The following TEKT1 variants were observed in gnomAD, a reference collection of about 807,000 sequenced individuals.
TEKT1 encodes tektin-1.
Under a neutral mutation model 34.8 loss-of-function variants are expected in TEKT1, and 32 were observed. The ratio of observed to expected loss-of-function variants is 0.92; its 90% CI spans 0.69 to 1.23. TEKT1 has a LOEUF of 1.23. Among genes scored for constraint, TEKT1 ranks in the 50% most tolerant of loss-of-function variants. The probability of loss-of-function intolerance (pLI) is 0.00; values close to 1 mark genes in which losing one functional copy is unlikely to be tolerated. For missense variants in TEKT1, 492 were observed against 518.5 expected (o/e 0.95, Z 0.50); for synonymous variants, 207 against 199.8 (o/e 1.04, Z -0.30).
At position 6,830,196 on chromosome 17, in the gene TEKT1, T is replaced by C; in HGVS notation, c.181A>G (p.Lys61Glu). 6.2e-7 allele frequency: 1 copy of C among 1,609,292 alleles called. No individual in the cohort carries two copies. The highest frequency in any genetic ancestry group is 8.5e-7 in the Non-Finnish European group (1 of 1,179,078). The change falls in exon 2 of 8, where the codon AAG (lysine) becomes GAG (glutamate). Residue 61 changes from lysine (K) to glutamate (E), a missense_variant. Physicochemically the swap from Lys to Glu is moderately conservative, Grantham distance 56. Coordinates refer to ENST00000338694, the MANE Select transcript of TEKT1 (RefSeq NM_053285.2). ...AAGCATGTTGTCTTACCTAGTTTCT[T>C]GTTCACATCGCTTTGAGATTTTCTT... ...TTRKSQSDVN[K>E]KLEQRLEEVQ...
At chr17:6,817,122 TC>T (rs1355422047) in intron 3 of TEKT1, among the ~76,000 whole-genome samples, 1 of 152,198 alleles carries the variant, frequency 6.6e-6, no homozygotes, top group Non-Finnish European at 1.5e-5. Context: ...ACGCCTGTAA[TC>T]CCAGCATTTT....
Position 6,811,306 on chromosome 17 carries a change from A to ATGTGTG in TEKT1, c.852+1519_852+1524dup, listed in dbSNP as rs34180300. On this transcript the variant is annotated intron_variant, in intron 6 of 7. Coordinates refer to ENST00000338694, the MANE Select transcript of TEKT1 (RefSeq NM_053285.2). This position sits in a 1 kb window ranked among gnomAD's most constrained non-coding sequence, Gnocchi z 4.4. ...ATTATATGTTAATCATATATGCAAA[A>ATGTGTG]TGTGTGTGTGTGTGTGTGTGTGTGT... Among the ~76,000 whole-genome samples, 2,040 of 149,782 alleles carry ATGTGTG rather than the reference A, an allele frequency of 0.014. 17 individuals carry two copies. The highest frequency in any genetic ancestry group is 0.096 in the Middle Eastern group (28 of 292).
At chr17:6,814,468 C>T (rs1481571922) in intron 5 of TEKT1, among the ~76,000 whole-genome samples, 6 of 151,978 alleles carry the variant, frequency 3.9e-5, no homozygotes, top group East Asian at 1.9e-4. Flanking sequence ...CAAAGTTTAC[C>T]GTATGTGTGT....
intron 5 of TEKT1, 159 bp downstream of exon 5, chr17:6,815,004 G>C (rs1446935467): frequency 1.3e-6 from 1 of 792,998 alleles, no homozygotes. Context: ...AGAATCAGGA[G>C]CCTCTGGGCC....
chr17:6,799,518 A>G lies in TEKT1; in HGVS notation c.*509T>C, dbSNP rs7212842. ...ATTGGAGGTCCTATACTCAGATGGC[A>G]GACTCCGGAACCTACAGTCTTAACC... On this transcript the variant is annotated 3_prime_UTR_variant, in exon 8 of 8. Transcript: ENST00000338694. 0.61 allele frequency: 93,189 copies of G among 152,420 alleles called. 28,732 individuals carry two copies. Among genetic ancestry groups the G allele is most frequent in the African/African-American group, 0.69 (28,746 of 41,432 alleles). 9.4% of individuals were successfully genotyped at this position (152,420 alleles called of 1,614,324 possible).
intron 5 of TEKT1, among the ~76,000 whole-genome samples, chr17:6,813,358 G>C (rs1976954915): frequency 6.6e-6 from 1 of 152,052 alleles, no homozygotes; most frequent in Non-Finnish European, 1.5e-5. Flanking sequence ...GAAGTAACTT[G>C]GGTGAGATTG....
chr17:6,818,541 T>C (rs1293534600), intron 3 of TEKT1, among the ~76,000 whole-genome samples: 1 of 152,246 alleles, frequency 6.6e-6, no homozygotes, highest in East Asian at 1.9e-4. Context: ...CTGGGAGCTG[T>C]AGTGTCTGTT....
chr17:6,806,488 G>T (rs527891693), intron 6 of TEKT1, among the ~76,000 whole-genome samples: 1 of 152,138 alleles, frequency 6.6e-6, no homozygotes, highest in Non-Finnish European at 1.5e-5. Context: ...ATATTGTTAT[G>T]TGTGAATTTG....
intron 5 of TEKT1, among the ~76,000 whole-genome samples, chr17:6,814,019 G>A (rs1352903011): frequency 6.6e-6 from 1 of 151,384 alleles, no homozygotes; most frequent in Non-Finnish European, 1.5e-5. Flanking sequence ...CATGTCATGG[G>A]ACATCCCCAT....
intron 2 of TEKT1, among the ~76,000 whole-genome samples, chr17:6,821,618 G>A (rs1977091327): frequency 6.6e-6 from 1 of 152,212 alleles, no homozygotes; most frequent in Admixed American, 6.5e-5. Context: ...AGTGACTTTG[G>A]AGCTGGGTTA....
chr17:6,821,941 C>CTGATCATGTGGGAGAAAAGAAAAA (rs1296045518), intron 2 of TEKT1, among the ~76,000 whole-genome samples: 1 of 151,628 alleles, frequency 6.6e-6, no homozygotes, highest in African/African-American at 2.4e-5. Context: ...GCTCTGCTTC[C>CTGATCATGTGGGAGAAAAGAAAAA]CCCATTTTGG....
chr17:6,826,693 AT>A (rs1567682262), intron 2 of TEKT1, among the ~76,000 whole-genome samples: 43 of 146,152 alleles, frequency 2.9e-4, no homozygotes, highest in Middle Eastern at 3.5e-3. Flanking sequence ...GGTTGGGATT[AT>A]TATTATTTTT....
At chr17:6,818,892 A>T (rs1187501242) in intron 3 of TEKT1, among the ~76,000 whole-genome samples, 1 of 152,210 alleles carries the variant, frequency 6.6e-6, no homozygotes, top group African/African-American at 2.4e-5. Context: ...CTTTGAATGT[A>T]AGAGAGAAAG....
chr17:6,803,071 A>C (rs892719998), intron 6 of TEKT1, among the ~76,000 whole-genome samples: 1 of 152,018 alleles, frequency 6.6e-6, no homozygotes, highest in South Asian at 2.1e-4. Context: ...TTACAGTCCC[A>C]CCAACAGTGT....
At chr17:6,818,684 GA>G (rs1428420862) in intron 3 of TEKT1, among the ~76,000 whole-genome samples, 4 of 152,164 alleles carry the variant, frequency 2.6e-5, no homozygotes, top group African/African-American at 9.7e-5. Context: ...GATGCAAATA[GA>G]AATGATGAAT....
rs181552457 is a variant in TEKT1, at chr17:6,813,744, G to A, written c.630-691C>T. On this transcript the variant is annotated intron_variant, in intron 5 of 7. Transcript: ENST00000338694. ...TGATAATGTTTTCTTTCTTGACCTG[G>A]TGGTGATATGAGGCTTTGTTCAGTT... 1.9e-4 allele frequency among the ~76,000 whole-genome samples: 29 copies of A among 152,168 alleles called. No homozygotes were observed. In the East Asian group the frequency reaches 5.4e-3, roughly 28 times the overall value.
chr17:6,820,644 CCTCCTTGGAGATGT>C (rs1441241478), intron 2 of TEKT1, among the ~76,000 whole-genome samples: 1 of 152,070 alleles, frequency 6.6e-6, no homozygotes, highest in Non-Finnish European at 1.5e-5. Flanking sequence ...AATTTTCTTT[CCTCCTTGGAGATGT>C]CTCTCCTAGA....
chr17:6,808,011 T>C (rs1340569565), intron 6 of TEKT1, among the ~76,000 whole-genome samples: 1 of 152,118 alleles, frequency 6.6e-6, no homozygotes, highest in African/African-American at 2.4e-5. Flanking sequence ...ACAGGGACAT[T>C]TAAGTCTGCA....
At chr17:6,830,073 G>C in intron 2 of TEKT1, 114 bp downstream of exon 2, 1 of 1,074,730 alleles carries the variant, frequency 9.3e-7, no homozygotes, top group Non-Finnish European at 1.3e-6. Context: ...GAATACACAT[G>C]ATTTTCTCTA....
Sources: allele counts gnomAD v4.1 joint callset (sites outside exome capture counted in the v4.1 genomes callset), GRCh38; gene constraint gnomAD v4.1.1; non-coding constraint Gnocchi (gnomAD v3.1); transcripts MANE v1.5; gene names NCBI Gene and HGNC (gene_info 2026-07-23, HGNC 2026-07-21).